The following ARHGAP35 variants were observed in gnomAD, a reference collection of about 807,000 sequenced individuals.
The protein encoded by ARHGAP35 is Rho GTPase activating protein 35.
A neutral mutation model predicts 111.1 loss-of-function variants in ARHGAP35; 15 were observed. The observed-to-expected ratio is 0.13, with a 90% CI of 0.09 to 0.21. The LOEUF (loss-of-function observed/expected upper bound fraction) is 0.21. Ranked by LOEUF, ARHGAP35 falls within the 10% of genes least tolerant of loss-of-function variation. The probability of loss-of-function intolerance (pLI) is 1.00; values close to 1 mark genes in which losing one functional copy is unlikely to be tolerated. For synonymous variants in ARHGAP35, 643 were observed against 710.3 expected (o/e 0.91, Z 1.51); for missense variants, 1,262 against 1,873.0 (o/e 0.67, Z 6.02).
At chr19:46,968,627 T>C (rs2056528223) in intron 3 of ARHGAP35, among the ~76,000 whole-genome samples, 2 of 152,172 alleles carry the variant, frequency 1.3e-5, no homozygotes, top group South Asian at 4.1e-4. Context: ...ATTCATACAG[T>C]AGAATATTAT....
chr19:46,875,417 A>T (rs768185611), intron 1 of ARHGAP35, among the ~76,000 whole-genome samples: 2 of 152,148 alleles, frequency 1.3e-5, no homozygotes, highest in Non-Finnish European at 2.9e-5. Flanking sequence ...TTCATTGAAT[A>T]AAAGTATGAG....
rs1398937435 is a variant in ARHGAP35 at position 46,999,249 on chromosome 19, G to A, written c.4037-55G>A. 1.0e-5 allele frequency: 13 copies of A among 1,267,708 alleles called. No individual in the cohort carries two copies. Among genetic ancestry groups the A allele is most frequent in the Non-Finnish European group, 1.1e-6 (1 of 889,472 alleles). The allele number at this position is 1,267,708 out of a possible 1,614,324, so 78.5% of individuals were successfully genotyped here. On this transcript the variant is annotated intron_variant, in intron 5 of 6. Coordinates refer to ENST00000672722, the MANE Select transcript of ARHGAP35 (RefSeq NM_004491.5). The surrounding 1 kb of genome is among the most constrained non-coding windows in gnomAD (Gnocchi z 5.4). ...AGGCCCATCACAGAGCACGCCCTGG[G>A]GTGGCCACCAGCCTCGGCCATGAAA...
chr19:46,912,369 T>C (rs966588783), intron 1 of ARHGAP35, among the ~76,000 whole-genome samples: 2 of 150,386 alleles, frequency 1.3e-5, no homozygotes. Flanking sequence ...TTTTTTTTTC[T>C]TTTGAGACAG....
intron 1 of ARHGAP35, among the ~76,000 whole-genome samples, chr19:46,868,310 C>T (rs2122855934): frequency 6.6e-6 from 1 of 152,264 alleles, no homozygotes; most frequent in East Asian, 1.9e-4. Context: ...GGCTACACTG[C>T]CTCTCTGGGT....
rs112059572 is a variant in ARHGAP35 at position 46,863,655 on chromosome 19, CG to C, written c.-189+2447del. Among the ~76,000 whole-genome samples the C allele has an allele frequency of 4.7e-3, 711 of 151,546 alleles. 2 individuals are homozygous for C. The highest frequency in any genetic ancestry group is 6.9e-3 in the Non-Finnish European group (466 of 67,694). The stretch of plus-strand genomic sequence containing the variant: ...CTAGGAGTGTCCTTCCCTTCCCCCC[CG>C]CCTTCGCCCCTCCCCCCCAGCTAAC... On this transcript the variant is annotated intron_variant, in intron 1 of 6. Coordinates refer to ENST00000672722, the MANE Select transcript of ARHGAP35 (RefSeq NM_004491.5).
Position 46,920,911 on chromosome 19 carries a change from A to G in ARHGAP35, c.2236A>G (p.Ile746Val), listed in dbSNP as rs1045689620. 1.9e-6 allele frequency: 3 copies of G among 1,613,904 alleles called. No individual in the cohort carries two copies. Among genetic ancestry groups the G allele is most frequent in the Non-Finnish European group, 1.7e-6 (2 of 1,179,792 alleles). ...ASAGIGYGRNINEKQISQVLK... is the reference protein window; with the variant it reads ...ASAGIGYGRNVNEKQISQVLK... ...TGCTGGCATTGGTTACGGACGCAAC[A>G]TTAATGAAAAGCAAATCAGTCAAGT... Residue 746 changes from isoleucine to valine, a missense_variant, in exon 2 of 7, where the codon ATT (isoleucine) becomes GTT (valine). Physicochemically the swap from Ile to Val is conservative, Grantham distance 29. Coordinates refer to ENST00000672722, the MANE Select transcript of ARHGAP35 (RefSeq NM_004491.5). The surrounding 1 kb of genome is among the most constrained non-coding windows in gnomAD (Gnocchi z 7.0).
chr19:46,953,355 G>C (rs1377775054), intron 3 of ARHGAP35, among the ~76,000 whole-genome samples: 1 of 152,096 alleles, frequency 6.6e-6, no homozygotes, highest in African/African-American at 2.4e-5. Flanking sequence ...AGAAGGTCCT[G>C]AAGGAAATGG....
chr19:46,928,159 G>A (rs543053429), intron 2 of ARHGAP35, among the ~76,000 whole-genome samples: 5 of 152,112 alleles, frequency 3.3e-5, no homozygotes, highest in South Asian at 4.1e-4. Flanking sequence ...AAGAACTTCT[G>A]TAGTGTGTTT....
At chr19:46,914,059 C>A (rs180903911) in intron 1 of ARHGAP35, among the ~76,000 whole-genome samples, 3 of 152,172 alleles carry the variant, frequency 2.0e-5, no homozygotes, top group East Asian at 3.8e-4. Flanking sequence ...GTTATTTCCT[C>A]TAAACCAAGT....
rs2122364351 is a variant in ARHGAP35 at position 46,999,277 on chromosome 19, C to G, written c.4037-27C>G. The G allele has an allele frequency of 6.5e-7, 1 of 1,532,188 alleles. No homozygotes were observed. The highest frequency in any genetic ancestry group is 2.4e-5 in the East Asian group (1 of 41,650). The allele number at this position is 1,532,188 out of a possible 1,614,324, so 94.9% of individuals were successfully genotyped here. A position where few individuals can be genotyped will look rare whatever the true frequency, so the allele number is the denominator to read the frequency against. On this transcript the variant is annotated intron_variant, in intron 5 of 6. Transcript: ENST00000672722. The surrounding 1 kb of genome is among the most constrained non-coding windows in gnomAD (Gnocchi z 5.4). ...GGCCACCAGCCTCGGCCATGAAAGGCAAGGCTTTGGTTTTCTCTCTCCTCA... is the reference window on the plus strand; with the variant it reads ...GGCCACCAGCCTCGGCCATGAAAGGGAAGGCTTTGGTTTTCTCTCTCCTCA...
intron 1 of ARHGAP35, among the ~76,000 whole-genome samples, chr19:46,888,333 T>TACACACACACACAC (rs72465629): frequency 3.0e-5 from 2 of 67,406 alleles, no homozygotes; most frequent in African/African-American, 1.2e-4. Flanking sequence ...ATTGATTTTA[T>TACACACACACACAC]ACACACACAC....
In ARHGAP35 at chr19:46,992,427, G is replaced by A. The variant is rs2056684178; in HGVS notation, c.4036+2752G>A. 6.6e-6 allele frequency among the ~76,000 whole-genome samples: 1 copy of A among 152,166 alleles called. No homozygotes were observed. The highest frequency in any genetic ancestry group is 2.1e-4 in the South Asian group (1 of 4,828). On this transcript the variant is annotated intron_variant, in intron 5 of 6. Coordinates refer to ENST00000672722, the MANE Select transcript of ARHGAP35 (RefSeq NM_004491.5). This position sits in a 1 kb window ranked among gnomAD's most constrained non-coding sequence, Gnocchi z 4.4. ...GGAAGAGGGCTTCACAGGGGAGATG[G>A]GCCAGGGTTTCAGGAGGCAGAAGAA...
chr19:46,889,545 G>C (rs2056013837), intron 1 of ARHGAP35, among the ~76,000 whole-genome samples: 1 of 152,094 alleles, frequency 6.6e-6, no homozygotes, highest in Non-Finnish European at 1.5e-5. Flanking sequence ...GCCTTAGGTG[G>C]TATACATAGC....
rs774121374 is a variant in ARHGAP35 at position 46,918,805 on chromosome 19, C to T, written c.130C>T (p.Arg44Cys). 2.5e-6 allele frequency: 4 copies of T among 1,613,832 alleles called. No individual in the cohort carries two copies. In the South Asian group the frequency reaches 3.3e-5, roughly 13 times the overall value. Residue 44 changes from arginine to cysteine, a missense_variant, in exon 2 of 7, where the codon CGC (arginine) becomes TGC (cysteine). Transcript: ENST00000672722. This position sits in a 1 kb window ranked among gnomAD's most constrained non-coding sequence, Gnocchi z 5.4. ...GKSCLCNRFV[R>C]PSADEFHLDH... ...GTCTTGTTTGTGCAACCGCTTCGTG[C>T]GCCCGAGTGCTGACGAGTTTCACTT...
rs2056372479 is a variant in ARHGAP35, at chr19:46,945,240, G to A, written c.3826+7832G>A. On this transcript the variant is annotated intron_variant, in intron 3 of 6. Transcript: ENST00000672722. The surrounding 1 kb of genome is among the most constrained non-coding windows in gnomAD (Gnocchi z 4.1). ...CAGACTAACTTTCTATTTCTAGCTT[G>A]AATGCTTTTTTTCCTCCAGTTTTCA... is the stretch of plus-strand genomic sequence containing the variant. Among the ~76,000 whole-genome samples the A allele has an allele frequency of 6.6e-6, 1 of 152,154 alleles. No individual in the cohort carries two copies. The highest frequency in any genetic ancestry group is 2.4e-5 in the African/African-American group (1 of 41,448).
intron 1 of ARHGAP35, among the ~76,000 whole-genome samples, chr19:46,887,632 G>C (rs1220254459): frequency 1.3e-5 from 2 of 152,018 alleles, no homozygotes; most frequent in East Asian, 3.9e-4. Flanking sequence ...CTGCTTATCT[G>C]CCCACTTCCC....
At chr19:46,971,030 C>A (rs1194592585) in intron 3 of ARHGAP35, among the ~76,000 whole-genome samples, 1 of 152,182 alleles carries the variant, frequency 6.6e-6, no homozygotes, top group Non-Finnish European at 1.5e-5. Flanking sequence ...GGGAAAATAG[C>A]AACCAACAAA....
rs970366029 is a variant in ARHGAP35, at chr19:46,994,010, G to C, written c.4036+4335G>C. On this transcript the variant is annotated intron_variant, in intron 5 of 6. Transcript: ENST00000672722. The surrounding 1 kb of genome is among the most constrained non-coding windows in gnomAD (Gnocchi z 5.4). Reference sequence around the variant, plus strand: ...AGGGAGCAGAGGATGTGAGGATCGGGCCCTCCACAGTCTGGGTCCTGAGGG... The same window carrying C: ...AGGGAGCAGAGGATGTGAGGATCGGCCCCTCCACAGTCTGGGTCCTGAGGG... Among the ~76,000 whole-genome samples, 1 of 152,186 alleles carries C rather than the reference G, an allele frequency of 6.6e-6. No homozygotes were observed.
chr19:46,893,557 A>G (rs992080422), intron 1 of ARHGAP35, among the ~76,000 whole-genome samples: 2 of 151,964 alleles, frequency 1.3e-5, no homozygotes, highest in African/African-American at 4.8e-5. Flanking sequence ...CAAATGAGAA[A>G]GCACTTTAAA....
Sources: gnomAD v4.1 joint callset for allele counts (sites outside exome capture counted in the v4.1 genomes callset) on GRCh38, gnomAD v4.1.1 for gene constraint, Gnocchi (gnomAD v3.1) non-coding constraint, MANE v1.5 for transcripts, NCBI Gene and HGNC (gene_info 2026-07-23, HGNC 2026-07-21) for gene names.